Variants in DCLRE1C observed in about 807,000 individuals in gnomAD.
The protein encoded by DCLRE1C is protein artemis.
Under a neutral mutation model 61.4 loss-of-function variants are expected in DCLRE1C, and 47 were observed. That is an observed-to-expected ratio of 0.77 (90% CI 0.61 to 0.98). The LOEUF (loss-of-function observed/expected upper bound fraction) is 0.98, where lower values mean the gene tolerates loss of function less well. Ranked by LOEUF, DCLRE1C falls within the 50% of genes least tolerant of loss-of-function variation. The probability of loss-of-function intolerance (pLI) is 0.00; values close to 1 mark genes in which losing one functional copy is unlikely to be tolerated. For missense variants in DCLRE1C, 858 were observed against 816.0 expected, an observed-to-expected ratio of 1.05 and a Z score of -0.63; for synonymous variants, 337 against 287.6, an observed-to-expected ratio of 1.17 and a Z score of -1.74.
chr10:14,939,412 C>T (rs1223552674), intron 4 of DCLRE1C, among the ~76,000 whole-genome samples: 1 of 147,778 alleles, frequency 6.8e-6, no homozygotes, highest in Non-Finnish European at 1.5e-5. Context: ...CCACTGCACT[C>T]CAGCCTGGGT....
chr10:14,905,731 T>TCCCAGCACTTTGG lies in DCLRE1C; in HGVS notation c.*2664_*2676dup, dbSNP rs953151558. ...TGGACACGGTAGCTGACGCCTGTAA[T>TCCCAGCACTTTGG]CCCAGCACTTTGGGAGGCCGAGGCG... On this transcript the variant is annotated 3_prime_UTR_variant, in exon 14 of 14. Transcript: ENST00000378278. 5.9e-5 allele frequency among the ~76,000 whole-genome samples: 9 copies of TCCCAGCACTTTGG among 152,230 alleles called. No individual in the cohort carries two copies. The highest frequency in any genetic ancestry group is 1.2e-4 in the Non-Finnish European group (8 of 68,044).
intron 3 of DCLRE1C, among the ~76,000 whole-genome samples, chr10:14,943,717 T>C (rs1233527958): frequency 2.0e-3 from 306 of 151,348 alleles, no homozygotes; most frequent in African/African-American, 7.2e-3. Context: ...ACACCCAATT[T>C]TTTGCATTTT....
At chr10:14,929,566 T>TG (rs1361490419) in intron 9 of DCLRE1C, among the ~76,000 whole-genome samples, 3 of 149,206 alleles carry the variant, frequency 2.0e-5, no homozygotes, top group Non-Finnish European at 4.5e-5. Flanking sequence ...CACTTGAGCC[T>TG]GGGGGGTCGA....
chr10:14,923,346 G>C (rs965505142), intron 11 of DCLRE1C: 2 of 394,448 alleles, frequency 5.1e-6, no homozygotes, highest in Admixed American at 8.0e-5. Flanking sequence ...TAAGAGCTGA[G>C]AATCACCAAT....
chr10:14,918,507 A>T (rs181921724), intron 13 of DCLRE1C, among the ~76,000 whole-genome samples: 2 of 152,300 alleles, frequency 1.3e-5, no homozygotes, highest in African/African-American at 4.8e-5. Flanking sequence ...CTTGAAGGTG[A>T]TAATTTCAGT....
rs41297022 is a variant in DCLRE1C, at chr10:14,935,291, A to G, written c.464+172T>C. On this transcript the variant is annotated intron_variant, in intron 6 of 13. Coordinates refer to ENST00000378278, the MANE Select transcript of DCLRE1C (RefSeq NM_001033855.3). ...AGACCAGCCTGCCCAACATGGCAAA[A>G]CCCCATCTCCACTAAAAATACAAAA... Among the ~76,000 whole-genome samples the G allele has an allele frequency of 8.6e-5, 13 of 151,892 alleles. No individual in the cohort carries two copies. In the East Asian group the frequency reaches 2.2e-3, roughly 25 times the overall value.
intron 13 of DCLRE1C, among the ~76,000 whole-genome samples, chr10:14,917,223 C>T (rs2130706238): frequency 6.6e-6 from 1 of 152,240 alleles, no homozygotes. Flanking sequence ...TACCTGGGAT[C>T]TACATTTGAA....
chr10:14,932,995 T>C, intron 8 of DCLRE1C, 40 bp from the exon 9 acceptor site: 2 of 1,600,846 alleles, frequency 1.2e-6, no homozygotes, highest in South Asian at 1.1e-5. Flanking sequence ...ATGTGAAATG[T>C]ATTTCCTATA....
At chr10:14,922,021 C>T (rs1588978416) in intron 12 of DCLRE1C, among the ~76,000 whole-genome samples, 1 of 152,364 alleles carries the variant, frequency 6.6e-6, no homozygotes, top group South Asian at 2.1e-4. Context: ...TCCTTCTGCA[C>T]CCATTGAGCT....
At position 14,934,702 on chromosome 10, in the gene DCLRE1C, C is replaced by T; in HGVS notation, c.537+1G>A. ...AACCCTGTTCCTCCAGGCAGACTTA[C>T]CCGACTTGGAATTTGGTAAAATCTT... On this transcript the variant is annotated splice_donor_variant, in intron 7 of 13. Coordinates refer to ENST00000378278, the MANE Select transcript of DCLRE1C (RefSeq NM_001033855.3). LOFTEE classifies it high-confidence loss of function. 6.2e-7 allele frequency: 1 copy of T among 1,613,844 alleles called. No homozygotes were observed. The highest frequency in any genetic ancestry group is 1.1e-5 in the South Asian group (1 of 91,072).
chr10:14,907,749 A>G lies in DCLRE1C; in HGVS notation c.*659T>C, dbSNP rs1374884711. 1 of 151,718 alleles carries G rather than the reference A, an allele frequency of 6.6e-6. No individual in the cohort carries two copies. The highest frequency in any genetic ancestry group is 1.5e-5 in the Non-Finnish European group (1 of 68,054). The allele number at this position is 151,718 out of a possible 1,614,324, so 9.4% of individuals were successfully genotyped here. A position where few individuals can be genotyped will look rare whatever the true frequency, so the allele number is the denominator to read the frequency against. On this transcript the variant is annotated 3_prime_UTR_variant, in exon 14 of 14. Transcript: ENST00000378278. ...TGACTTTCTTTATAGACAGCAGATC[A>G]CTGGGTTATGTTGGTTTTTTCCGTG...
At chr10:14,952,523 G>A (rs935722373) in intron 1 of DCLRE1C, among the ~76,000 whole-genome samples, 15 of 152,108 alleles carry the variant, frequency 9.9e-5, no homozygotes, top group Non-Finnish European at 1.9e-4. Context: ...AGGAGGCGGA[G>A]GTTGCAGTGA....
chr10:14,908,322 G>T lies in DCLRE1C; in HGVS notation c.*86C>A, dbSNP rs1329076441. On this transcript the variant is annotated 3_prime_UTR_variant, in exon 14 of 14. Coordinates refer to ENST00000378278, the MANE Select transcript of DCLRE1C (RefSeq NM_001033855.3). The stretch of plus-strand genomic sequence containing the variant: ...AACCAGGTTATTTGAACATTTTTAA[G>T]TACTGTATTTTCTCTATTGTAATAT... 12 of 1,107,492 alleles carry T rather than the reference G, an allele frequency of 1.1e-5. No homozygotes were observed. The highest frequency in any genetic ancestry group is 1.5e-5 in the Non-Finnish European group (11 of 735,948). 68.6% of individuals were successfully genotyped at this position (1,107,492 alleles called of 1,614,324 possible). A position where few individuals can be genotyped will look rare whatever the true frequency, so the allele number is the denominator to read the frequency against.
chr10:14,942,500 C>CACA (rs1491480430), intron 3 of DCLRE1C: 1 of 152,234 alleles, frequency 6.6e-6, no homozygotes, highest in African/African-American at 2.4e-5. Flanking sequence ...TGATATCATG[C>CACA]ACACAAACAC....
rs750922025 is a variant in DCLRE1C, at chr10:14,919,798, C to G, written c.1096G>C (p.Glu366Gln). ...TTTCCCAGTGGTTTATACTTTGGCT[C>G]CGTACTTTGGGAAGACCGGCATAAA... ...KPLCRSSQST[E>Q]PKYKPLGKLK... is the part of the protein sequence containing the mutation. The change falls in exon 13 of 14, where the codon GAG becomes CAG. Residue 366 changes from glutamate (E) to glutamine (Q), a missense_variant. Coordinates refer to ENST00000378278, the MANE Select transcript of DCLRE1C (RefSeq NM_001033855.3). The G allele has an allele frequency of 3.1e-6, 5 of 1,613,912 alleles. No homozygotes were observed. The highest frequency in any genetic ancestry group is 4.2e-6 in the Non-Finnish European group (5 of 1,179,930).
intron 13 of DCLRE1C, among the ~76,000 whole-genome samples, chr10:14,916,134 A>G (rs1836148257): frequency 6.6e-6 from 1 of 152,208 alleles, no homozygotes; most frequent in African/African-American, 2.4e-5. Context: ...ATTATACTTA[A>G]TGGTGAAATA....
intron 2 of DCLRE1C, chr10:14,945,542 G>A (rs932992847): frequency 1.3e-5 from 14 of 1,094,956 alleles, no homozygotes; most frequent in South Asian, 2.5e-5. Flanking sequence ...TTGGAAATAC[G>A]CGCTTGTATG....
intron 3 of DCLRE1C, among the ~76,000 whole-genome samples, chr10:14,940,986 A>C (rs1840763286): frequency 6.6e-6 from 1 of 152,156 alleles, no homozygotes; most frequent in Admixed American, 6.5e-5. Flanking sequence ...AGGTTCAAGC[A>C]ATTCTCCTGC....
At chr10:14,918,598 A>T (rs549247328) in intron 13 of DCLRE1C, among the ~76,000 whole-genome samples, 1 of 151,688 alleles carries the variant, frequency 6.6e-6, no homozygotes, top group East Asian at 1.9e-4. Context: ...TGTGCAGTTT[A>T]TATCAATTAT....
Sources: allele counts gnomAD v4.1 joint callset (sites outside exome capture counted in the v4.1 genomes callset), GRCh38; gene constraint gnomAD v4.1.1; transcripts MANE v1.5; gene names NCBI Gene and HGNC (gene_info 2026-07-23, HGNC 2026-07-21).